The following FOXP2 variants were observed in gnomAD, a reference collection of about 807,000 sequenced individuals.
FOXP2 encodes the protein forkhead box P2, also known as forkhead box protein P2.
In FOXP2, 12 loss-of-function variants were observed where a neutral mutation model predicts 115.8. The ratio of observed to expected loss-of-function variants is 0.10; its 90% CI spans 0.07 to 0.17. The LOEUF is 0.17. Ranked by LOEUF, FOXP2 falls within the 10% of genes least tolerant of loss-of-function variation. The pLI, the probability that FOXP2 is intolerant of heterozygous loss-of-function variation, is 1.00. For missense variants in FOXP2, 629 were observed against 843.5 expected (o/e 0.75, Z 3.15); for synonymous variants, 328 against 297.7 (o/e 1.10, Z -1.05).
chr7:114,173,879 T>C (rs943965241), intron 1 of FOXP2, among the ~76,000 whole-genome samples: 1 of 152,016 alleles, frequency 6.6e-6, no homozygotes, highest in African/African-American at 2.4e-5. Context: ...AAAACTTATT[T>C]TAAGCATACT....
chr7:114,137,728 G>A lies in FOXP2; in HGVS notation c.-246-25216G>A, dbSNP rs555225437. On this transcript the variant is annotated intron_variant, in intron 1 of 19. Transcript: ENST00000635638. ...TCTTAGAGTTTACTGATAAGTAAGA[G>A]GAAGAGTCTAGAAAAGCCCATGCAA... Among the ~76,000 whole-genome samples, 18 of 152,290 alleles carry A rather than the reference G, an allele frequency of 1.2e-4. No individual in the cohort carries two copies. The South Asian group carries it at 3.1e-3, about 26-fold the overall frequency.
intron 1 of FOXP2, among the ~76,000 whole-genome samples, chr7:114,128,574 C>T (rs1028915433): frequency 6.6e-6 from 1 of 151,528 alleles, no homozygotes; most frequent in Non-Finnish European, 1.5e-5. Flanking sequence ...TTTATTTTTT[C>T]CCTCAAATAA....
upstream of FOXP2, among the ~76,000 whole-genome samples, chr7:114,159,431 A>C (rs1190192826): frequency 6.6e-6 from 1 of 151,834 alleles, no homozygotes; most frequent in Admixed American, 6.6e-5. Context: ...GAAAGAATGG[A>C]ATCTCTTTCA....
intron 1 of FOXP2, among the ~76,000 whole-genome samples, chr7:114,242,110 A>G (rs1188855222): frequency 6.6e-6 from 1 of 151,038 alleles, no homozygotes; most frequent in Non-Finnish European, 1.5e-5. Context: ...ATTAATTTAG[A>G]TGAAAGTTCT....
chr7:114,467,343 T>C (rs769892713), intron 2 of FOXP2, among the ~76,000 whole-genome samples: 2 of 152,140 alleles, frequency 1.3e-5, no homozygotes, highest in Non-Finnish European at 2.9e-5. Context: ...TTTACATAAG[T>C]ATATTGCTTG....
At chr7:114,342,031 C>T (rs575516093) in intron 2 of FOXP2, among the ~76,000 whole-genome samples, 2 of 151,414 alleles carry the variant, frequency 1.3e-5, no homozygotes, top group African/African-American at 2.4e-5. Flanking sequence ...TAACTAAGTC[C>T]TTTGAGGCTG....
intron 1 of FOXP2, among the ~76,000 whole-genome samples, chr7:114,117,545 C>G (rs1791443570): frequency 6.6e-6 from 1 of 152,046 alleles, no homozygotes; most frequent in South Asian, 2.1e-4. Flanking sequence ...TTTATAGCCA[C>G]CTTGTGGGAC....
Position 114,498,896 on chromosome 7 carries a change from C to T in FOXP2, c.169-35721C>T, listed in dbSNP as rs1020633052. ...TTCTTTCCTCAGGAGGATGTTGTCT[C>T]TTACACCCAGGTTATTTGTTAAAGT... On this transcript the variant is annotated intron_variant, in intron 2 of 16. Coordinates refer to ENST00000350908, the MANE Select transcript of FOXP2 (RefSeq NM_014491.4). 28 of 717,882 alleles carry T rather than the reference C, an allele frequency of 3.9e-5. No homozygotes were observed. In the African/African-American group the frequency reaches 4.9e-4, roughly 13 times the overall value. The allele number at this position is 717,882 out of a possible 1,614,324, so 44.5% of individuals were successfully genotyped here.
chr7:114,232,451 T>G (rs571819862), intron 1 of FOXP2, among the ~76,000 whole-genome samples: 3 of 152,268 alleles, frequency 2.0e-5, no homozygotes, highest in East Asian at 3.9e-4. Context: ...AATCAGGAGA[T>G]GGAAACACCC....
At chr7:114,136,868 C>A (rs1000661674) in intron 1 of FOXP2, among the ~76,000 whole-genome samples, 1 of 151,894 alleles carries the variant, frequency 6.6e-6, no homozygotes, top group Admixed American at 6.5e-5. Flanking sequence ...CAATATTATT[C>A]CACAGTGAAT....
chr7:114,593,601 A>G (rs906803450), intron 3 of FOXP2, among the ~76,000 whole-genome samples: 1 of 152,036 alleles, frequency 6.6e-6, no homozygotes, highest in African/African-American at 2.4e-5. Flanking sequence ...GTATGTCTCT[A>G]TGCAAGCTAA....
chr7:114,692,427 T>G lies in FOXP2; in HGVS notation c.*2501T>G. 1 of 449,894 alleles carries G rather than the reference T, an allele frequency of 2.2e-6. No individual in the cohort carries two copies. Among genetic ancestry groups the G allele is most frequent in the South Asian group, 1.6e-5 (1 of 63,316 alleles). 27.9% of individuals were successfully genotyped at this position (449,894 alleles called of 1,614,324 possible). The stretch of plus-strand genomic sequence containing the variant: ...TTGCTTTGAAAATAGATTTTAGGTT[T>G]TTTGGAGTTTCCTGAAATGCTTGGT... On this transcript the variant is annotated 3_prime_UTR_variant, in exon 17 of 17. Transcript: ENST00000350908.
intron 1 of FOXP2, among the ~76,000 whole-genome samples, chr7:114,279,886 A>C (rs1411332344): frequency 4.6e-5 from 7 of 152,090 alleles, no homozygotes; most frequent in African/African-American, 9.7e-5. Context: ...AAATAAATAC[A>C]TGAAGCACCT....
In FOXP2 at chr7:114,291,985, A is replaced by ATAATATATAGAAT. The variant is rs1554363272; in HGVS notation, c.-11+3876_-11+3877insTAATATATAGAAT. ...AATATATATTATAGATAATATATAG[A>ATAATATATAGAAT]ATATATATTATAGATAATATATAGA... On this transcript the variant is annotated intron_variant, in intron 2 of 17. Transcript: ENST00000634411. Among the ~76,000 whole-genome samples, 9 of 33,190 alleles carry ATAATATATAGAAT rather than the reference A, an allele frequency of 2.7e-4. No homozygotes were observed. The Admixed American group carries it at 4.7e-3, about 17-fold the overall frequency. 21.8% of individuals were successfully genotyped at this position (33,190 alleles called of 152,430 possible).
intron 1 of FOXP2, among the ~76,000 whole-genome samples, chr7:114,194,433 A>G (rs976397444): frequency 6.6e-6 from 1 of 151,164 alleles, no homozygotes; most frequent in Admixed American, 6.6e-5. Flanking sequence ...TCTTCTTAAC[A>G]TTGTGTTATT....
chr7:114,500,223 A>T (rs970179543), intron 2 of FOXP2, among the ~76,000 whole-genome samples: 1 of 151,564 alleles, frequency 6.6e-6, no homozygotes, highest in African/African-American at 2.4e-5. Context: ...CTCAAAAAAA[A>T]AAAAAAAAAA....
chr7:114,369,540 A>AT (rs1193780507), intron 2 of FOXP2, among the ~76,000 whole-genome samples: 1 of 152,194 alleles, frequency 6.6e-6, no homozygotes, highest in Non-Finnish European at 1.5e-5. Flanking sequence ...CTGCTAAAAA[A>AT]AAAAGGATAT....
At chr7:114,437,492 T>A (rs990119989) in intron 2 of FOXP2, among the ~76,000 whole-genome samples, 2 of 152,152 alleles carry the variant, frequency 1.3e-5, no homozygotes, top group Non-Finnish European at 2.9e-5. Flanking sequence ...AGTACTTCCG[T>A]GAAGTCTTTC....
intron 2 of FOXP2, among the ~76,000 whole-genome samples, chr7:114,366,817 C>T (rs1049145491): frequency 3.3e-5 from 5 of 151,990 alleles, no homozygotes; most frequent in Admixed American, 1.3e-4. Context: ...ATATGTTATA[C>T]GTATTATTAC....
Sources: allele counts gnomAD v4.1 joint callset (sites outside exome capture counted in the v4.1 genomes callset), GRCh38; gene constraint gnomAD v4.1.1; transcripts MANE v1.5; gene names NCBI Gene and HGNC (gene_info 2026-07-23, HGNC 2026-07-21).